Variants in PITPNM2 observed in about 807,000 individuals in gnomAD.
PITPNM2 encodes membrane-associated phosphatidylinositol transfer protein 2.
PITPNM2 carries 35 observed loss-of-function variants against 132.2 expected under a neutral mutation model. That is an observed-to-expected ratio of 0.26 (90% confidence interval 0.20 to 0.35). The LOEUF is 0.35. PITPNM2 is among the 10% of genes least tolerant of loss of function. PITPNM2 has a pLI of 1.00. For synonymous variants in PITPNM2, 738 were observed against 799.2 expected (o/e 0.92, Z 1.29); for missense variants, 1,332 against 1,912.0 (o/e 0.70, Z 5.66).
intron 6 of PITPNM2, chr12:123,006,220 T>C (rs2038928642): frequency 1.3e-5 from 2 of 152,116 alleles, no homozygotes; most frequent in Non-Finnish European, 2.9e-5. Context: ...CTGCTATATT[T>C]TTCCTGTTAA....
intron 1 of PITPNM2, among the ~76,000 whole-genome samples, chr12:123,127,252 G>A (rs887548766): frequency 3.9e-5 from 6 of 152,128 alleles, no homozygotes; most frequent in Non-Finnish European, 5.9e-5. Flanking sequence ...CACTTACACC[G>A]CTGCCCTCCA....
intron 2 of PITPNM2, among the ~76,000 whole-genome samples, chr12:123,105,203 A>C (rs2042678906): frequency 6.6e-6 from 1 of 152,146 alleles, no homozygotes; most frequent in Non-Finnish European, 1.5e-5. Context: ...CTGCTTCTGC[A>C]ACTCTGATCA....
Position 123,005,573 on chromosome 12 carries a change from GGA to G in PITPNM2, c.644-27_644-26del. ...CCTGTGCCCCATGGGGATCAGAGAG[GGA>G]GAGACGAGGGGAGGGAGGTCAGCGC... On this transcript the variant is annotated intron_variant, in intron 6 of 25. Coordinates refer to ENST00000320201, the MANE Select transcript of PITPNM2 (RefSeq NM_020845.3). This position sits in a 1 kb window ranked among gnomAD's most constrained non-coding sequence, Gnocchi z 6.2. The G allele has an allele frequency of 6.2e-7, 1 of 1,600,862 alleles. No homozygotes were observed.
chr12:123,122,376 C>T (rs1204203688), intron 1 of PITPNM2, among the ~76,000 whole-genome samples: 2 of 152,084 alleles, frequency 1.3e-5, no homozygotes, highest in African/African-American at 4.8e-5. Flanking sequence ...GCAGGAGAAT[C>T]GCTTGAACCT....
intron 2 of PITPNM2, among the ~76,000 whole-genome samples, chr12:123,093,038 C>T (rs1212485057): frequency 6.6e-6 from 1 of 152,198 alleles, no homozygotes. Context: ...AAGATGATTG[C>T]ACCATGAGAA....
chr12:122,989,885 G>GGGGGGGGC lies in PITPNM2; in HGVS notation c.2632_2633insGCCCCCCC (p.Ala878GlyfsTer84). 9.3e-7 allele frequency: 1 copy of GGGGGGGGC among 1,077,354 alleles called. No individual in the cohort carries two copies. The highest frequency in any genetic ancestry group is 1.2e-6 in the Non-Finnish European group (1 of 807,246). 66.7% of individuals were successfully genotyped at this position (1,077,354 alleles called of 1,614,324 possible). A position where few individuals can be genotyped will look rare whatever the true frequency, so the allele number is the denominator to read the frequency against. ...GGGGCCAGGGGTGGTGGGGCTGGGG[G>GGGGGGGGC]CGGGCAGGGCGAGCAGGGACAGACG... On this transcript the variant is annotated frameshift_variant, in exon 18 of 26. Coordinates refer to ENST00000320201, the MANE Select transcript of PITPNM2 (RefSeq NM_020845.3). LOFTEE classifies it high-confidence loss of function.
Position 122,986,239 on chromosome 12 carries a change from G to T in PITPNM2, c.3838C>A (p.Leu1280Met). The change falls in exon 26 of 26, where the codon CTG becomes ATG. Residue 1280 changes from leucine (L) to methionine (M), a missense_variant. Transcript: ENST00000320201. Reference sequence around the variant, plus strand: ...CGCAGAAAGTCGCCCTGGCCGGGCAGGCCGAAGCTGCCCTTGCGCAGCGCC... The same window carrying T: ...CGCAGAAAGTCGCCCTGGCCGGGCATGCCGAAGCTGCCCTTGCGCAGCGCC... ...RMALRKGSFG[L>M]PGQGDFLRSR... The T allele has an allele frequency of 6.3e-7, 1 of 1,574,812 alleles. No individual in the cohort carries two copies. The highest frequency in any genetic ancestry group is 8.6e-7 in the Non-Finnish European group (1 of 1,165,106).
At chr12:123,105,282 C>T (rs1280826127) in intron 2 of PITPNM2, 1 of 152,198 alleles carries the variant, frequency 6.6e-6, no homozygotes, top group African/African-American at 2.4e-5. Flanking sequence ...AGAATACAAG[C>T]CCCAGGAGGG....
chr12:123,081,216 A>C (rs572656512), intron 2 of PITPNM2: 18 of 152,444 alleles, frequency 1.2e-4, no homozygotes, highest in African/African-American at 4.1e-4. Context: ...CTCTAAAAGG[A>C]GAGAAGGTGG....
intron 2 of PITPNM2, chr12:123,092,371 A>C (rs995551564): frequency 5.3e-5 from 8 of 152,246 alleles, no homozygotes; most frequent in African/African-American, 1.7e-4. Context: ...GTGAAACCTT[A>C]TCTCTATTTT....
chr12:123,085,672 G>A (rs530899893), intron 2 of PITPNM2, among the ~76,000 whole-genome samples: 5 of 152,204 alleles, frequency 3.3e-5, no homozygotes, highest in African/African-American at 1.2e-4. Context: ...TTTATGTTAT[G>A]TATATTTTAC....
chr12:123,046,378 T>C (rs1259186490), intron 2 of PITPNM2, among the ~76,000 whole-genome samples: 1 of 152,228 alleles, frequency 6.6e-6, no homozygotes, highest in East Asian at 1.9e-4. Context: ...TAATACATTG[T>C]AAGTGACTTA....
rs189037114 is a variant in PITPNM2 at position 123,039,663 on chromosome 12, A to G, written c.-95-4978T>C. On this transcript the variant is annotated intron_variant, in intron 2 of 25. Coordinates refer to ENST00000320201, the MANE Select transcript of PITPNM2 (RefSeq NM_020845.3). ...CATACATTTGTCCAAACCCACAGAA[A>G]GTACAACATCAAGAGTGAGCCCTTG... Among the ~76,000 whole-genome samples the G allele has an allele frequency of 8.5e-5, 13 of 152,332 alleles. No homozygotes were observed. In the East Asian group the frequency reaches 2.3e-3, roughly 27 times the overall value.
At chr12:123,059,363 A>G (rs1338324823) in intron 2 of PITPNM2, among the ~76,000 whole-genome samples, 1 of 152,230 alleles carries the variant, frequency 6.6e-6, no homozygotes, top group Non-Finnish European at 1.5e-5. Flanking sequence ...AGAGAAGGTC[A>G]GGGAGGAACT....
intron 1 of PITPNM2, among the ~76,000 whole-genome samples, chr12:123,123,152 G>C (rs955211669): frequency 2.6e-5 from 4 of 152,084 alleles, no homozygotes; most frequent in African/African-American, 7.2e-5. Flanking sequence ...CAGGGACCTG[G>C]TTTAACACAT....
chr12:123,079,125 G>A (rs1032976562), intron 2 of PITPNM2, among the ~76,000 whole-genome samples: 6 of 152,010 alleles, frequency 3.9e-5, no homozygotes, highest in Admixed American at 2.6e-4. Flanking sequence ...CAGGAGCTGC[G>A]GTCTCCTTAG....
In PITPNM2 at chr12:123,083,964, A is replaced by T. The variant is rs1243255991; in HGVS notation, c.-96+26421T>A. 1 of 152,244 alleles carries T rather than the reference A, an allele frequency of 6.6e-6. No homozygotes were observed. The highest frequency in any genetic ancestry group is 1.5e-5 in the Non-Finnish European group (1 of 68,088). The allele number at this position is 152,244 out of a possible 1,614,324, so 9.4% of individuals were successfully genotyped here. A position where few individuals can be genotyped will look rare whatever the true frequency, so the allele number is the denominator to read the frequency against. On this transcript the variant is annotated intron_variant, in intron 2 of 25. Transcript: ENST00000320201. This position sits in a 1 kb window ranked among gnomAD's most constrained non-coding sequence, Gnocchi z 4.5. The stretch of plus-strand genomic sequence containing the variant: ...TGAAATCAGGTGGACCACCTCCCCA[A>T]CCTCAGCAAGCCTGCTGGGGTGACT...
rs2037857606 is a variant in PITPNM2, at chr12:122,984,574, A to G, written c.*1453T>C. The stretch of plus-strand genomic sequence containing the variant: ...AATAGCTTTCACTCTGTATAGACCC[A>G]CTTTTGCAGAACATTTACACGACCC... On this transcript the variant is annotated 3_prime_UTR_variant, in exon 26 of 26. Coordinates refer to ENST00000320201, the MANE Select transcript of PITPNM2 (RefSeq NM_020845.3). 6.6e-6 allele frequency: 1 copy of G among 152,296 alleles called. No individual in the cohort carries two copies. Among genetic ancestry groups the G allele is most frequent in the African/African-American group, 2.4e-5 (1 of 41,458 alleles). The allele number at this position is 152,296 out of a possible 1,614,324, so 9.4% of individuals were successfully genotyped here. A position where few individuals can be genotyped will look rare whatever the true frequency, so the allele number is the denominator to read the frequency against.
chr12:122,990,145 A>G (rs2038123452), intron 17 of PITPNM2, among the ~76,000 whole-genome samples, 197 bp from the exon 18 acceptor site: 1 of 152,218 alleles, frequency 6.6e-6, no homozygotes, highest in African/African-American at 2.4e-5. Flanking sequence ...CACCCTGACC[A>G]CAGCTGCGAG....
Sources: allele counts gnomAD v4.1 joint callset (sites outside exome capture counted in the v4.1 genomes callset), GRCh38; gene constraint gnomAD v4.1.1; non-coding constraint Gnocchi (gnomAD v3.1); transcripts MANE v1.5; gene names NCBI Gene and HGNC (gene_info 2026-07-23, HGNC 2026-07-21).